CCDC171: variants seen among roughly 807,000 people sequenced by gnomAD.
CCDC171 encodes the protein coiled-coil domain-containing protein 171.
A neutral mutation model predicts 168.2 loss-of-function variants in CCDC171; 177 were observed. The observed-to-expected ratio is 1.05, with a 90% confidence interval of 0.93 to 1.19. The LOEUF (loss-of-function observed/expected upper bound fraction) is 1.19. Ranked by LOEUF, CCDC171 falls within the 50% of genes most tolerant of loss-of-function variation. The pLI is 0.00. For synonymous variants in CCDC171, 687 were observed against 540.8 expected, an observed-to-expected ratio of 1.27 and a Z score of -3.75; for missense variants, 1,991 against 1,539.0, an observed-to-expected ratio of 1.29 and a Z score of -4.91.
chr9:15,763,271 G>C (rs183259891), intron 18 of CCDC171, among the ~76,000 whole-genome samples: 15 of 152,290 alleles, frequency 9.8e-5, no homozygotes, highest in Admixed American at 9.8e-4. Flanking sequence ...AACCCAGGAA[G>C]CTCACTGGAG....
chr9:15,732,343 A>G (rs1179112431), intron 16 of CCDC171, among the ~76,000 whole-genome samples: 2 of 152,084 alleles, frequency 1.3e-5, no homozygotes, highest in African/African-American at 2.4e-5. Context: ...TCCCTCTCAA[A>G]TTAATTTTTG....
intron 4 of CCDC171, among the ~76,000 whole-genome samples, chr9:15,587,000 A>G (rs1563992008): frequency 6.6e-6 from 1 of 152,036 alleles, no homozygotes; most frequent in Non-Finnish European, 1.5e-5. Context: ...TTTTGTAGAG[A>G]CTAGGTCTTG....
intron 7 of CCDC171, among the ~76,000 whole-genome samples, chr9:15,637,279 A>C (rs1382176747): frequency 6.6e-6 from 1 of 152,116 alleles, no homozygotes; most frequent in Admixed American, 6.6e-5. Context: ...AAGAAAAAGT[A>C]ATAAAATGCA....
At chr9:15,569,547 G>A (rs1022400643) in intron 2 of CCDC171, among the ~76,000 whole-genome samples, 1 of 152,100 alleles carries the variant, frequency 6.6e-6, no homozygotes, top group African/African-American at 2.4e-5. Context: ...CGGGCGCGGT[G>A]GCTCGCGCCT....
At chr9:15,576,111 C>T (rs1253152432) in intron 3 of CCDC171, among the ~76,000 whole-genome samples, 2 of 102,296 alleles carry the variant, frequency 2.0e-5, no homozygotes, top group Non-Finnish European at 3.9e-5. Context: ...AAAATTATAG[C>T]TACATATATA....
intron 25 of CCDC171, among the ~76,000 whole-genome samples, chr9:15,934,821 CA>C (rs1826928885): frequency 6.6e-6 from 1 of 151,924 alleles, no homozygotes; most frequent in African/African-American, 2.4e-5. Context: ...TAAAATTCAG[CA>C]ATAAGAAGGG....
At chr9:15,805,003 A>G (rs2059008149) in intron 21 of CCDC171, among the ~76,000 whole-genome samples, 1 of 151,850 alleles carries the variant, frequency 6.6e-6, no homozygotes, top group African/African-American at 2.4e-5. Context: ...GTGTCAAGGA[A>G]TTTATCCATT....
the CCDC171 span, among the ~76,000 whole-genome samples, chr9:16,093,945 T>A: frequency 6.9e-4 from 105 of 152,294 alleles, no homozygotes; most frequent in African/African-American, 2.4e-3. Flanking sequence ...GGCCCCCCAC[T>A]GAGTGCTCCC....
intron 18 of CCDC171, among the ~76,000 whole-genome samples, chr9:15,762,635 C>CT (rs2056510887): frequency 1.3e-5 from 2 of 152,242 alleles, no homozygotes; most frequent in African/African-American, 2.4e-5. Flanking sequence ...AGACATAGGA[C>CT]TTTTTCTTTT....
intron 18 of CCDC171, among the ~76,000 whole-genome samples, chr9:15,773,237 T>G (rs1243927098): frequency 6.6e-6 from 1 of 152,152 alleles, no homozygotes; most frequent in Non-Finnish European, 1.5e-5. Flanking sequence ...TTTAATTTGA[T>G]TACTCACAAT....
intron 7 of CCDC171, among the ~76,000 whole-genome samples, chr9:15,647,151 G>A (rs1458835105): frequency 5.3e-5 from 8 of 152,098 alleles, no homozygotes; most frequent in African/African-American, 9.7e-5. Context: ...CTGAATGACT[G>A]CTGGGTACAT....
chr9:15,640,524 A>G (rs2046527331), intron 7 of CCDC171, among the ~76,000 whole-genome samples: 3 of 152,170 alleles, frequency 2.0e-5, no homozygotes, highest in Admixed American at 2.0e-4. Context: ...GAGTTCTTTG[A>G]AAACTGTAGC....
intron 7 of CCDC171, among the ~76,000 whole-genome samples, chr9:15,645,647 G>A (rs991578556): frequency 6.6e-6 from 1 of 152,192 alleles, no homozygotes; most frequent in Non-Finnish European, 1.5e-5. Flanking sequence ...AAGGGTATCA[G>A]TGATTGAAGA....
chr9:15,744,670 T>G lies in CCDC171; in HGVS notation c.2447T>G (p.Ile816Ser). Residue 816 changes from isoleucine to serine, a missense_variant, in exon 17 of 26, where the codon ATT becomes AGT. Physicochemically the swap from Ile to Ser is moderately radical, Grantham distance 142. Coordinates refer to ENST00000380701, the MANE Select transcript of CCDC171 (RefSeq NM_173550.4). ...IAVLAANRLK[I>S]LGQSCASLFT... Reference sequence around the variant, plus strand: ...GTTTTGGCAGCAAACAGACTCAAGATTTTGGGCCAATCATGTGCCTCTCTT... The same window carrying G: ...GTTTTGGCAGCAAACAGACTCAAGAGTTTGGGCCAATCATGTGCCTCTCTT... 1 of 1,614,158 alleles carries G rather than the reference T, an allele frequency of 6.2e-7. No homozygotes were observed. Among genetic ancestry groups the G allele is most frequent in the Non-Finnish European group, 8.5e-7 (1 of 1,180,024 alleles).
intron 7 of CCDC171, among the ~76,000 whole-genome samples, chr9:15,633,160 A>G (rs1296854918): frequency 6.6e-6 from 1 of 152,258 alleles, no homozygotes; most frequent in Non-Finnish European, 1.5e-5. Context: ...AGAAAAGCCA[A>G]AATTGACAAA....
intron 11 of CCDC171, among the ~76,000 whole-genome samples, chr9:15,699,820 A>G (rs532720758): frequency 2.6e-5 from 4 of 152,284 alleles, no homozygotes; most frequent in African/African-American, 9.6e-5. Context: ...CAGAGTGACG[A>G]TTGGTGCATT....
intron 1 of CCDC171, among the ~76,000 whole-genome samples, chr9:15,559,012 G>C (rs375858436): frequency 3.3e-5 from 5 of 152,164 alleles, no homozygotes; most frequent in Non-Finnish European, 7.4e-5. Flanking sequence ...TTCAGGAGCA[G>C]GTTGTTCAGT....
chr9:15,647,045 A>G (rs970832745), intron 7 of CCDC171, among the ~76,000 whole-genome samples: 2 of 152,250 alleles, frequency 1.3e-5, no homozygotes, highest in Non-Finnish European at 2.9e-5. Context: ...AATTTTGACA[A>G]AGTGTCTCTT....
Position 15,920,199 on chromosome 9 carries a change from C to G in CCDC171, c.3601-71C>G, listed in dbSNP as rs926035260. On this transcript the variant is annotated intron_variant, in intron 24 of 25. Coordinates refer to ENST00000380701, the MANE Select transcript of CCDC171 (RefSeq NM_173550.4). ...TTTAAAATTTTAATGGTTTTGCTTT[C>G]AAATTATGGAAATTCTCCTTTGGGG... 1.8e-5 allele frequency: 18 copies of G among 989,718 alleles called. No individual in the cohort carries two copies. In the African/African-American group the frequency reaches 2.8e-4, roughly 16 times the overall value. 61.3% of individuals were successfully genotyped at this position (989,718 alleles called of 1,614,324 possible).
Sources: gnomAD v4.1 joint callset for allele counts (sites outside exome capture counted in the v4.1 genomes callset) on GRCh38, gnomAD v4.1.1 for gene constraint, MANE v1.5 for transcripts, NCBI Gene and HGNC (gene_info 2026-07-23, HGNC 2026-07-21) for gene names.